The following RANBP2 variants were observed in gnomAD, a reference collection of about 807,000 sequenced individuals.
RANBP2 encodes the protein RAN binding protein 2.
RANBP2 carries 57 observed loss-of-function variants against 303.6 expected under a neutral mutation model. The ratio of observed to expected loss-of-function variants is 0.19; its 90% CI spans 0.15 to 0.23. RANBP2 has a LOEUF of 0.23. Among genes scored for constraint, RANBP2 ranks in the 10% least tolerant of loss-of-function variants. The probability of loss-of-function intolerance (pLI) is 1.00; values close to 1 mark genes in which losing one functional copy is unlikely to be tolerated. For missense variants in RANBP2, 3,138 were observed against 3,780.8 expected, an observed-to-expected ratio of 0.83 and a Z score of 4.46; for synonymous variants, 1,167 against 1,301.5, an observed-to-expected ratio of 0.90 and a Z score of 2.23.
chr2:109,702,804 C>CTT, the RANBP2 span, among the ~76,000 whole-genome samples: 771 of 144,832 alleles, frequency 5.3e-3, 15 homozygotes, highest in South Asian at 0.063. Context: ...CTGAATCAGT[C>CTT]TTTTTTTTTT....
chr2:108,741,701 A>T (rs1696108099), intron 7 of RANBP2, among the ~76,000 whole-genome samples: 1 of 147,148 alleles, frequency 6.8e-6, no homozygotes, highest in Non-Finnish European at 1.5e-5. Flanking sequence ...AGTATAAGAG[A>T]CGGGGTTTCA....
At chr2:109,698,202 G>GT in the RANBP2 span, among the ~76,000 whole-genome samples, 315 of 148,028 alleles carry the variant, frequency 2.1e-3, 3 homozygotes, top group East Asian at 0.033. Flanking sequence ...AATTAACCCA[G>GT]TTTTTTTTTT....
At chr2:109,559,911 C>CTTTTTTTTTTT in the RANBP2 span, among the ~76,000 whole-genome samples, 2 of 117,548 alleles carry the variant, frequency 1.7e-5, no homozygotes, top group African/African-American at 6.3e-5. Context: ...CAACCAATGC[C>CTTTTTTTTTTT]TTTTTTTTTT....
the RANBP2 span, among the ~76,000 whole-genome samples, chr2:109,624,053 CAG>C: frequency 6.6e-6 from 1 of 152,216 alleles, no homozygotes; most frequent in African/African-American, 2.4e-5. Context: ...GCGGTTGACT[CAG>C]AGCTTTGCAA....
chr2:108,721,706 C>G (rs900940763), intron 1 of RANBP2, among the ~76,000 whole-genome samples: 5 of 151,896 alleles, frequency 3.3e-5, no homozygotes, highest in African/African-American at 1.2e-4. Flanking sequence ...CTCCACTTCC[C>G]AAAGTGTTGG....
the RANBP2 span, among the ~76,000 whole-genome samples, chr2:109,334,596 A>G: frequency 6.6e-6 from 1 of 152,138 alleles, no homozygotes; most frequent in East Asian, 1.9e-4. Flanking sequence ...AGGCAGCCAC[A>G]GTGTCCACTG....
the RANBP2 span, chr2:109,614,697 C>T: frequency 1.3e-6 from 2 of 1,488,492 alleles, no homozygotes; most frequent in Non-Finnish European, 1.8e-6. Flanking sequence ...GCGCGTCGAT[C>T]CCGCCGACGG....
the RANBP2 span, among the ~76,000 whole-genome samples, chr2:109,718,733 AC>A: frequency 2.6e-5 from 4 of 152,202 alleles, no homozygotes; most frequent in East Asian, 7.8e-4. Context: ...TAATCTCAGC[AC>A]TTTGGGAGGT....
chr2:109,631,328 T>C, the RANBP2 span, among the ~76,000 whole-genome samples: 1 of 152,218 alleles, frequency 6.6e-6, no homozygotes, highest in Non-Finnish European at 1.5e-5. Context: ...TTCCTATGAA[T>C]TGGAAAAATT....
chr2:109,389,001 A>G, the RANBP2 span, among the ~76,000 whole-genome samples: 2 of 152,180 alleles, frequency 1.3e-5, no homozygotes, highest in Non-Finnish European at 2.9e-5. Context: ...CCACAGCCCA[A>G]TGCACCATCC....
chr2:109,366,289 C>CT, the RANBP2 span, among the ~76,000 whole-genome samples: 1 of 152,070 alleles, frequency 6.6e-6, no homozygotes, highest in Non-Finnish European at 1.5e-5. Flanking sequence ...TTAAAAATAA[C>CT]TATCAAGTCC....
the RANBP2 span, among the ~76,000 whole-genome samples, chr2:109,036,925 C>T: frequency 6.6e-6 from 1 of 152,150 alleles, no homozygotes; most frequent in East Asian, 1.9e-4. Flanking sequence ...GGGCAGATCA[C>T]TTGAGGTCAG....
chr2:108,857,067 T>C, the RANBP2 span: 42 of 20,906 alleles, frequency 2.0e-3, 1 homozygote, highest in Non-Finnish European at 3.9e-3. Context: ...ATACTATTGC[T>C]TTTTTTTTTT....
the RANBP2 span, among the ~76,000 whole-genome samples, chr2:109,725,318 AG>A: frequency 6.6e-6 from 1 of 152,166 alleles, no homozygotes; most frequent in Non-Finnish European, 1.5e-5. Flanking sequence ...TCCACTCCAC[AG>A]GGTGAGGGTC....
the RANBP2 span, among the ~76,000 whole-genome samples, chr2:108,960,903 C>A: frequency 6.6e-6 from 1 of 152,208 alleles, no homozygotes; most frequent in South Asian, 2.1e-4. Flanking sequence ...CCAAGAGTAT[C>A]CCCTAAGGCT....
the RANBP2 span, chr2:109,737,212 G>A: frequency 1.3e-6 from 1 of 795,978 alleles, no homozygotes; most frequent in Admixed American, 2.4e-5. Flanking sequence ...TTTGCTGTTA[G>A]CAACTATGCA....
the RANBP2 span, among the ~76,000 whole-genome samples, chr2:109,161,052 G>T: frequency 2.0e-5 from 3 of 152,202 alleles, no homozygotes; most frequent in African/African-American, 7.2e-5. Flanking sequence ...AGAGGCAGAA[G>T]TAGGTGAGGG....
At chr2:109,147,175 AG>A in the RANBP2 span, among the ~76,000 whole-genome samples, 1 of 152,114 alleles carries the variant, frequency 6.6e-6, no homozygotes, top group African/African-American at 2.4e-5. Flanking sequence ...CACTTCCTCA[AG>A]GTGCCTGGGA....
At chr2:109,214,711 G>A in the RANBP2 span, among the ~76,000 whole-genome samples, 2 of 152,176 alleles carry the variant, frequency 1.3e-5, no homozygotes, top group African/African-American at 4.8e-5. Flanking sequence ...CAGAAGATGG[G>A]CTCCACTCCA....
Sources: allele counts gnomAD v4.1 joint callset (sites outside exome capture counted in the v4.1 genomes callset), GRCh38; gene constraint gnomAD v4.1.1; transcripts MANE v1.5; gene names NCBI Gene and HGNC (gene_info 2026-07-23, HGNC 2026-07-21).